RGS2: variants seen among roughly 807,000 people sequenced by gnomAD.
RGS2 encodes G0 to G1 switch regulatory 8, 24kD.
A neutral mutation model predicts 26.6 loss-of-function variants in RGS2; 20 were observed. That is an observed-to-expected ratio of 0.75 (90% CI 0.53 to 1.09). The LOEUF (loss-of-function observed/expected upper bound fraction) is 1.09. Among genes scored for constraint, RGS2 ranks in the 50% least tolerant of loss-of-function variants. RGS2 has a pLI of 0.00. For synonymous variants in RGS2, 97 were observed against 79.9 expected, an observed-to-expected ratio of 1.21 and a Z score of -1.14; for missense variants, 246 against 245.5, an observed-to-expected ratio of 1.00 and a Z score of -0.01.
At chr1:192,809,260 C>T (rs1354566235) in intron 1 of RGS2, 79 bp downstream of exon 1, 4 of 1,061,666 alleles carry the variant, frequency 3.8e-6, no homozygotes, top group Non-Finnish European at 5.9e-6. Flanking sequence ...TCGGGCTCGC[C>T]TTTGACGTTA....
intron 1 of RGS2, among the ~76,000 whole-genome samples, chr1:192,809,716 C>G (rs907968434): frequency 2.0e-5 from 3 of 151,928 alleles, no homozygotes; most frequent in African/African-American, 7.3e-5. Flanking sequence ...CCTCTTTGTA[C>G]AGTCTCTGGC....
chr1:192,810,067 T>C (rs1035671187), intron 1 of RGS2, 99 bp from the exon 2 acceptor site: 6 of 767,026 alleles, frequency 7.8e-6, no homozygotes, highest in Admixed American at 6.0e-5. Context: ...GGTTTGTCTC[T>C]AGTTACTGGG....
rs1665591805 is a variant in RGS2, at chr1:192,811,499, T to G, written c.539T>G (p.Leu180Trp). 6.2e-7 allele frequency: 1 copy of G among 1,613,994 alleles called. No homozygotes were observed. The highest frequency in any genetic ancestry group is 1.3e-5 in the African/African-American group (1 of 74,912). ...FTTAQKRVYS[L>W]MENNSYPRFL... ...ACTGCCCAGAAAAGGGTATACAGCTTGATGGAGAACAACTCTTATCCTCGT... is the reference window on the plus strand; with the variant it reads ...ACTGCCCAGAAAAGGGTATACAGCTGGATGGAGAACAACTCTTATCCTCGT... The change falls in exon 5 of 5, where the codon TTG becomes TGG. Residue 180 changes from leucine (L) to tryptophan (W), a missense_variant. Transcript: ENST00000235382.
In RGS2 at chr1:192,811,063, C is replaced by CA. The variant is rs1358621764; in HGVS notation, c.364dup (p.Thr122AsnfsTer17). 7 of 1,613,796 alleles carry CA rather than the reference C, an allele frequency of 4.3e-6. No homozygotes were observed. The highest frequency in any genetic ancestry group is 2.2e-5 in the East Asian group (1 of 44,862). On this transcript the variant is annotated frameshift_variant, in exon 4 of 5. Coordinates refer to ENST00000235382, the MANE Select transcript of RGS2 (RefSeq NM_002923.4). LOFTEE classifies it high-confidence loss of function. ...AATTCTGGCTGGCCTGTGAAGACTTCAAAAAAACCAAATCACCCCAAAAGC... is the reference window on the plus strand; with the variant it reads ...AATTCTGGCTGGCCTGTGAAGACTTCAAAAAAAACCAAATCACCCCAAAAGC...
Position 192,811,672 on chromosome 1 carries a change from G to A in RGS2, c.*76G>A, listed in dbSNP as rs1348156741. 3 of 1,368,840 alleles carry A rather than the reference G, an allele frequency of 2.2e-6. No homozygotes were observed. The African/African-American group carries it at 4.3e-5, about 20-fold the overall frequency. 84.8% of individuals were successfully genotyped at this position (1,368,840 alleles called of 1,614,324 possible). On this transcript the variant is annotated 3_prime_UTR_variant, in exon 5 of 5. Transcript: ENST00000235382. ...GGGAAGGACTGTGACCTGCCATAAA[G>A]ACTGACCTTGAATTCAGCCTGGGTG... is the stretch of plus-strand genomic sequence containing the variant.
In RGS2 at chr1:192,809,111, A is replaced by C; in HGVS notation, c.40A>C (p.Arg14=). 1.9e-6 allele frequency: 3 copies of C among 1,614,108 alleles called. No individual in the cohort carries two copies. Among genetic ancestry groups the C allele is most frequent in the East Asian group, 4.5e-5 (2 of 44,866 alleles). Residue 14 remains arginine, a synonymous_variant, in exon 1 of 5, where the codon AGA becomes CGA. Transcript: ENST00000235382. ...GTTCTTGGCTGTTCAACACGACTGCAGACCCATGGACAAGAGCGCAGGCAG... is the reference window on the plus strand; with the variant it reads ...GTTCTTGGCTGTTCAACACGACTGCCGACCCATGGACAAGAGCGCAGGCAG... The part of the protein sequence containing the change: ...AMFLAVQHDC[R]PMDKSAGSGH...
In RGS2 at chr1:192,811,050, C is replaced by T; in HGVS notation, c.344C>T (p.Ala115Val). 1 of 1,613,988 alleles carries T rather than the reference C, an allele frequency of 6.2e-7. No individual in the cohort carries two copies. ...GAAGAAAATATTGAATTCTGGCTGG[C>T]CTGTGAAGACTTCAAAAAAACCAAA... is the stretch of plus-strand genomic sequence containing the variant. ...FCEENIEFWLACEDFKKTKSP... is the reference protein window; with the variant it reads ...FCEENIEFWLVCEDFKKTKSP... The change falls in exon 4 of 5, where the codon GCC becomes GTC. Residue 115 changes from alanine (A) to valine (V), a missense_variant. By Grantham distance (64) the Ala-to-Val change is moderately conservative (BLOSUM62 0). Coordinates refer to ENST00000235382, the MANE Select transcript of RGS2 (RefSeq NM_002923.4).
At chr1:192,811,291 G>A in intron 4 of RGS2, 111 bp from the exon 5 acceptor site, 1 of 1,290,416 alleles carries the variant, frequency 7.7e-7, no homozygotes, top group East Asian at 2.4e-5. Flanking sequence ...GTTCTCCTGT[G>A]ACTTAGCTAG....
Position 192,811,134 on chromosome 1 carries a change from A to T in RGS2, c.428A>T (p.Glu143Val). ...RKIYTDFIEKEAPKEINIDFQ... is the reference protein window; with the variant it reads ...RKIYTDFIEKVAPKEINIDFQ... Reference sequence around the variant, plus strand: ...ATATATACTGACTTCATAGAAAAGGAAGCTCCAAAAGAGGTAAGGAAACAA... The same window carrying T: ...ATATATACTGACTTCATAGAAAAGGTAGCTCCAAAAGAGGTAAGGAAACAA... The change falls in exon 4 of 5, where the codon GAA becomes GTA. Residue 143 changes from glutamate to valine, a missense_variant. Transcript: ENST00000235382. The T allele has an allele frequency of 6.2e-7, 1 of 1,614,184 alleles. No homozygotes were observed. Among genetic ancestry groups the T allele is most frequent in the Non-Finnish European group, 8.5e-7 (1 of 1,180,018 alleles).
rs373469911 is a variant in RGS2, at chr1:192,810,261, T to C, written c.206T>C (p.Phe69Ser). The C allele has an allele frequency of 2.6e-5, 42 of 1,613,434 alleles. No homozygotes were observed. The highest frequency in any genetic ancestry group is 3.6e-5 in the Non-Finnish European group (42 of 1,179,300). ...GGCAAAAAAAGCAAACAGCAAGCTTTCATCAAGTAAGTTGAGAATCCTGTG... is the reference window on the plus strand; with the variant it reads ...GGCAAAAAAAGCAAACAGCAAGCTTCCATCAAGTAAGTTGAGAATCCTGTG... ...KTGKKSKQQA[F>S]IKPSPEEAQL... is the part of the protein sequence containing the mutation. The change falls in exon 2 of 5, where the codon TTC (phenylalanine) becomes TCC (serine). Residue 69 changes from phenylalanine (F) to serine (S), a missense_variant. Phe to Ser is a radical substitution (Grantham distance 155). Coordinates refer to ENST00000235382, the MANE Select transcript of RGS2 (RefSeq NM_002923.4).
At chr1:192,810,456 C>T (rs1338087831) in intron 3 of RGS2, 25 bp downstream of exon 3, 1 of 1,608,784 alleles carries the variant, frequency 6.2e-7, no homozygotes, top group Non-Finnish European at 8.5e-7. Flanking sequence ...GAGCTTGAGC[C>T]ATTGCTAACA....
rs763184394 is a variant in RGS2 at position 192,810,235 on chromosome 1, C to T, written c.180C>T (p.Thr60=). 2 of 1,613,960 alleles carry T rather than the reference C, an allele frequency of 1.2e-6. No homozygotes were observed. Among genetic ancestry groups the T allele is most frequent in the Non-Finnish European group, 1.7e-6 (2 of 1,179,838 alleles). The part of the protein sequence containing the change: ...QNSSTPGKPK[T]GKKSKQQAFI... ...CCTCTACTCCTGGGAAGCCCAAAAC[C>T]GGCAAAAAAAGCAAACAGCAAGCTT... The change falls in exon 2 of 5, where the codon ACC becomes ACT. Residue 60 remains threonine, a synonymous_variant. Transcript: ENST00000235382.
In RGS2 at chr1:192,811,893, C is replaced by T. The variant is rs1310436292; in HGVS notation, c.*297C>T. Reference sequence around the variant, plus strand: ...AGATGATGAAAGAGACAATGTAATACTGTTGGTCCAAAAGCATTTAAAATC... The same window carrying T: ...AGATGATGAAAGAGACAATGTAATATTGTTGGTCCAAAAGCATTTAAAATC... On this transcript the variant is annotated 3_prime_UTR_variant, in exon 5 of 5. Transcript: ENST00000235382. 6.9e-6 allele frequency: 3 copies of T among 432,610 alleles called. No homozygotes were observed. Among genetic ancestry groups the T allele is most frequent in the South Asian group, 2.3e-5 (1 of 44,036 alleles). 26.8% of individuals were successfully genotyped at this position (432,610 alleles called of 1,614,324 possible).
chr1:192,810,829 T>C (rs977714633), intron 3 of RGS2, 152 bp from the exon 4 acceptor site: 11 of 909,174 alleles, frequency 1.2e-5, no homozygotes, highest in Middle Eastern at 2.2e-4. Flanking sequence ...TCTTAGTCTT[T>C]AAAAAGCTAA....
chr1:192,812,074 A>G lies in RGS2; in HGVS notation c.*478A>G. The G allele has an allele frequency of 5.1e-6, 1 of 197,966 alleles. No individual in the cohort carries two copies. 12.3% of individuals were successfully genotyped at this position (197,966 alleles called of 1,614,324 possible). ...GAAGTTCTTATGACCACAGATCATCAGTACTGTTGTCTCATGTAATGCTAA... is the reference window on the plus strand; with the variant it reads ...GAAGTTCTTATGACCACAGATCATCGGTACTGTTGTCTCATGTAATGCTAA... On this transcript the variant is annotated 3_prime_UTR_variant, in exon 5 of 5. Transcript: ENST00000235382.
intron 1 of RGS2, chr1:192,809,401 A>G (rs558306841): frequency 4.1e-5 from 23 of 555,978 alleles, no homozygotes; most frequent in African/African-American, 3.2e-4. Context: ...GCGGTGGTTG[A>G]TGCGCTAAGA....
chr1:192,809,414 T>C (rs1426220305), intron 1 of RGS2: 2 of 536,116 alleles, frequency 3.7e-6, no homozygotes, highest in Admixed American at 3.0e-5. Context: ...CGCTAAGAAA[T>C]TGCGGGTTGG....
rs564935106 is a variant in RGS2 at position 192,810,257 on chromosome 1, G to A, written c.202G>A (p.Ala68Thr). 1 of 1,613,712 alleles carries A rather than the reference G, an allele frequency of 6.2e-7. No homozygotes were observed. Among genetic ancestry groups the A allele is most frequent in the East Asian group, 2.2e-5 (1 of 44,890 alleles). ...AACCGGCAAAAAAAGCAAACAGCAA[G>A]CTTTCATCAAGTAAGTTGAGAATCC... ...PKTGKKSKQQ[A>T]FIKPSPEEAQ... Residue 68 changes from alanine (A) to threonine (T), a missense_variant, in exon 2 of 5, where the codon GCT becomes ACT. Coordinates refer to ENST00000235382, the MANE Select transcript of RGS2 (RefSeq NM_002923.4).
intron 3 of RGS2, 32 bp from the exon 4 acceptor site, chr1:192,810,949 A>G: frequency 6.3e-7 from 1 of 1,594,774 alleles, no homozygotes; most frequent in Non-Finnish European, 8.6e-7. Flanking sequence ...AGTTCTTCAC[A>G]TTCTGCATGC....
Sources: allele counts gnomAD v4.1 joint callset (sites outside exome capture counted in the v4.1 genomes callset), GRCh38; gene constraint gnomAD v4.1.1; transcripts MANE v1.5; gene names NCBI Gene and HGNC (gene_info 2026-07-23, HGNC 2026-07-21).